Variants in PPP3CC observed in about 807,000 individuals in gnomAD.
PPP3CC encodes serine/threonine-protein phosphatase 2B catalytic subunit gamma isoform.
In PPP3CC, 35 loss-of-function variants were observed where a neutral mutation model predicts 60.3. That is an observed-to-expected ratio of 0.58 (90% CI 0.44 to 0.77). The LOEUF is 0.77. PPP3CC is among the 30% of genes least tolerant of loss of function. The pLI is 0.00. For synonymous variants in PPP3CC, 206 were observed against 224.3 expected, an observed-to-expected ratio of 0.92 and a Z score of 0.73; for missense variants, 570 against 628.9, an observed-to-expected ratio of 0.91 and a Z score of 1.00.
chr8:22,503,782 A>G (rs963695202), intron 4 of PPP3CC, among the ~76,000 whole-genome samples: 1 of 152,148 alleles, frequency 6.6e-6, no homozygotes, highest in East Asian at 1.9e-4. Context: ...TTTTTCTCCT[A>G]TCTACCAAGA....
At chr8:22,473,933 T>G (rs1586809894) in intron 1 of PPP3CC, among the ~76,000 whole-genome samples, 1 of 151,766 alleles carries the variant, frequency 6.6e-6, no homozygotes, top group South Asian at 2.1e-4. Flanking sequence ...CTTGCTCTGT[T>G]GCCCAGGCTG....
At chr8:22,458,006 G>A (rs372055433) in intron 1 of PPP3CC, among the ~76,000 whole-genome samples, 7 of 152,122 alleles carry the variant, frequency 4.6e-5, no homozygotes, top group East Asian at 3.9e-4. Flanking sequence ...CAGGAGAACC[G>A]CTTGAACCTG....
chr8:22,517,038 C>T (rs2100291), intron 6 of PPP3CC, among the ~76,000 whole-genome samples: 68,813 of 151,912 alleles, frequency 0.45, 15,613 homozygotes, highest in East Asian at 0.55. Flanking sequence ...ACAGGAACTT[C>T]ACCCTGTATT....
chr8:22,441,361 A>C lies in PPP3CC; in HGVS notation c.-49A>C. The C allele has an allele frequency of 6.6e-7, 1 of 1,506,004 alleles. No homozygotes were observed. The highest frequency in any genetic ancestry group is 1.4e-5 in the African/African-American group (1 of 69,064). 93.3% of individuals were successfully genotyped at this position (1,506,004 alleles called of 1,614,324 possible). A position where few individuals can be genotyped will look rare whatever the true frequency, so the allele number is the denominator to read the frequency against. On this transcript the variant is annotated 5_prime_UTR_variant, in exon 1 of 14. Coordinates refer to ENST00000240139, the MANE Select transcript of PPP3CC (RefSeq NM_005605.5). The stretch of plus-strand genomic sequence containing the variant: ...GAGGAGAAGGCGGCGGCCGCGGCGT[A>C]GGCGCACGTCCGGCGGGCTCCTGGA...
At chr8:22,453,005 G>C (rs1333190886) in intron 1 of PPP3CC, among the ~76,000 whole-genome samples, 2 of 152,200 alleles carry the variant, frequency 1.3e-5, no homozygotes, top group Non-Finnish European at 2.9e-5. Context: ...AAATATTTAA[G>C]TATGTGCAAG....
intron 3 of PPP3CC, among the ~76,000 whole-genome samples, chr8:22,477,604 C>G (rs926240811): frequency 6.6e-6 from 1 of 152,056 alleles, no homozygotes; most frequent in Non-Finnish European, 1.5e-5. Context: ...ACAAAAATTA[C>G]TGAATTTCTA....
chr8:22,531,204 A>C (rs952365345), intron 10 of PPP3CC: 1 of 1,189,566 alleles, frequency 8.4e-7, no homozygotes, highest in South Asian at 1.3e-5. Flanking sequence ...ATTGCATTTC[A>C]CTTTGATTTT....
chr8:22,488,466 G>A (rs867551503), intron 3 of PPP3CC, among the ~76,000 whole-genome samples: 48 of 152,180 alleles, frequency 3.2e-4, no homozygotes, highest in African/African-American at 1.1e-3. Context: ...ATGATTGAAA[G>A]TTTCTTTTGG....
At chr8:22,538,196 A>G (rs553471174) in intron 12 of PPP3CC, among the ~76,000 whole-genome samples, 5 of 152,314 alleles carry the variant, frequency 3.3e-5, no homozygotes, top group Admixed American at 1.3e-4. Context: ...GCCCCAAACA[A>G]GGTAATATCA....
intron 1 of PPP3CC, among the ~76,000 whole-genome samples, chr8:22,454,547 C>T (rs757488597): frequency 4.6e-5 from 7 of 152,066 alleles, no homozygotes; most frequent in Admixed American, 1.3e-4. Flanking sequence ...TATTTGTTAT[C>T]GTTATATGAC....
At chr8:22,494,108 T>G (rs1838490551) in intron 3 of PPP3CC, among the ~76,000 whole-genome samples, 1 of 152,238 alleles carries the variant, frequency 6.6e-6, no homozygotes, top group Non-Finnish European at 1.5e-5. Flanking sequence ...ATGACTATAT[T>G]GATTTATCTG....
intron 1 of PPP3CC, among the ~76,000 whole-genome samples, chr8:22,448,197 A>AAAACG (rs1836891184): frequency 6.6e-6 from 1 of 152,194 alleles, no homozygotes; most frequent in South Asian, 2.1e-4. Flanking sequence ...CAAAGTGGTG[A>AAAACG]AAACGAAACG....
chr8:22,511,209 C>T lies in PPP3CC; in HGVS notation c.608C>T (p.Thr203Ile), dbSNP rs1839076592. The T allele has an allele frequency of 2.5e-6, 4 of 1,613,208 alleles. No individual in the cohort carries two copies. Among genetic ancestry groups the T allele is most frequent in the Non-Finnish European group, 3.4e-6 (4 of 1,179,214 alleles). ...CVHGGMSPEI[T>I]SLDDIRKLDR... ...CATGGAGGAATGTCACCTGAAATTA[C>T]TTCTTTAGATGACATTAGGAAAGTA... The change falls in exon 5 of 14, where the codon ACT becomes ATT. Residue 203 changes from threonine to isoleucine, a missense_variant. Physicochemically the swap from Thr to Ile is moderately conservative, Grantham distance 89 (BLOSUM62 -1). Transcript: ENST00000240139.
chr8:22,449,900 G>A (rs908768175), intron 1 of PPP3CC, among the ~76,000 whole-genome samples: 7 of 143,252 alleles, frequency 4.9e-5, no homozygotes, highest in Admixed American at 2.9e-4. Context: ...ACAGAGTCTC[G>A]CTGTCGCCCG....
intron 3 of PPP3CC, among the ~76,000 whole-genome samples, chr8:22,494,874 T>C (rs1337822824): frequency 6.6e-6 from 1 of 152,232 alleles, no homozygotes; most frequent in East Asian, 1.9e-4. Flanking sequence ...ACAAAGTAGA[T>C]ACATACATAT....
chr8:22,536,159 C>T (rs1839840746), intron 12 of PPP3CC, among the ~76,000 whole-genome samples: 1 of 152,134 alleles, frequency 6.6e-6, no homozygotes, highest in African/African-American at 2.4e-5. Flanking sequence ...TTTCCTAGTT[C>T]CTTTAGTTTC....
At chr8:22,482,782 A>G (rs1838107328) in intron 3 of PPP3CC, among the ~76,000 whole-genome samples, 2 of 152,218 alleles carry the variant, frequency 1.3e-5, no homozygotes, top group Non-Finnish European at 2.9e-5. Context: ...ACAGAGGAAG[A>G]ATGTGCCCAA....
intron 4 of PPP3CC, among the ~76,000 whole-genome samples, chr8:22,503,667 A>G (rs1838828049): frequency 6.6e-6 from 1 of 152,188 alleles, no homozygotes; most frequent in Non-Finnish European, 1.5e-5. Flanking sequence ...ATGGAACAAT[A>G]GGTCCTGGAA....
intron 1 of PPP3CC, among the ~76,000 whole-genome samples, chr8:22,460,445 GCC>G (rs1251923677): frequency 6.6e-6 from 1 of 151,332 alleles, no homozygotes; most frequent in Non-Finnish European, 1.5e-5. Flanking sequence ...TCCCATCTTG[GCC>G]CCCTGTAGCA....
Sources: allele counts gnomAD v4.1 joint callset (sites outside exome capture counted in the v4.1 genomes callset), GRCh38; gene constraint gnomAD v4.1.1; transcripts MANE v1.5; gene names NCBI Gene and HGNC (gene_info 2026-07-23, HGNC 2026-07-21).